The following ANKRD45 variants were observed in gnomAD, a reference collection of about 807,000 sequenced individuals.
ANKRD45 encodes the protein ankyrin repeat domain-containing protein 45.
In ANKRD45, 21 loss-of-function variants were observed where a neutral mutation model predicts 28.1. That is an observed-to-expected ratio of 0.75 (90% CI 0.53 to 1.08). The LOEUF is 1.08. ANKRD45 is among the 50% of genes least tolerant of loss of function. ANKRD45 has a pLI of 0.00. For missense variants in ANKRD45, 261 were observed against 308.7 expected (o/e 0.85, Z 1.16); for synonymous variants, 86 against 103.9 (o/e 0.83, Z 1.05).
chr1:173,713,385 G>A, the ANKRD45 span, among the ~76,000 whole-genome samples: 1 of 152,158 alleles, frequency 6.6e-6, no homozygotes, highest in South Asian at 2.1e-4. Context: ...AACTTTGGGA[G>A]ACATTTAGTT....
chr1:173,618,989 T>G (rs1667588304), intron 5 of ANKRD45, among the ~76,000 whole-genome samples: 1 of 152,182 alleles, frequency 6.6e-6, no homozygotes, highest in Admixed American at 6.5e-5. Flanking sequence ...TATTCCACAT[T>G]CTTAAAGAAA....
In ANKRD45 at chr1:173,627,173, C is replaced by A. The variant is rs754379067; in HGVS notation, c.497-14G>T. 1.3e-5 allele frequency: 20 copies of A among 1,531,484 alleles called. No homozygotes were observed. The highest frequency in any genetic ancestry group is 1.8e-5 in the Non-Finnish European group (20 of 1,108,514). 94.9% of individuals were successfully genotyped at this position (1,531,484 alleles called of 1,614,324 possible). A position where few individuals can be genotyped will look rare whatever the true frequency, so the allele number is the denominator to read the frequency against. The stretch of plus-strand genomic sequence containing the variant: ...TCAGCCTTGCATCTGAAAGAATGGA[C>A]AGAAACACACACATGACAAGACAAA... On this transcript the variant is annotated splice_polypyrimidine_tract_variant and intron_variant, in intron 3 of 5. Coordinates refer to ENST00000333279, the MANE Select transcript of ANKRD45 (RefSeq NM_198493.3).
At chr1:173,685,339 G>A in the ANKRD45 span, among the ~76,000 whole-genome samples, 3 of 152,164 alleles carry the variant, frequency 2.0e-5, no homozygotes, top group African/African-American at 7.2e-5. Context: ...GGATGCCCTC[G>A]GGGGCTGACC....
chr1:173,682,684 T>TACGCAC, the ANKRD45 span, among the ~76,000 whole-genome samples: 3,081 of 144,018 alleles, frequency 0.021, 40 homozygotes, highest in Middle Eastern at 0.053. Flanking sequence ...GCCTTTTAAA[T>TACGCAC]ACACACACAC....
chr1:173,611,613 ACACACACAAT>A (rs909115384), intron 5 of ANKRD45, among the ~76,000 whole-genome samples: 5 of 95,582 alleles, frequency 5.2e-5, no homozygotes, highest in Non-Finnish European at 1.1e-4. Flanking sequence ...ACACACACAC[ACACACACAAT>A]AAAAATATAT....
chr1:173,631,291 T>C (rs1472292633), intron 3 of ANKRD45, among the ~76,000 whole-genome samples: 1 of 152,114 alleles, frequency 6.6e-6, no homozygotes, highest in South Asian at 2.1e-4. Context: ...GGAATATACA[T>C]GCACCCAACG....
chr1:173,665,806 C>T (rs369475386), intron 1 of ANKRD45, among the ~76,000 whole-genome samples: 4 of 151,738 alleles, frequency 2.6e-5, no homozygotes, highest in Middle Eastern at 3.2e-3. Context: ...TTCAGGAGTT[C>T]GAGACCAGCT....
At chr1:173,698,381 C>T in the ANKRD45 span, among the ~76,000 whole-genome samples, 1 of 152,096 alleles carries the variant, frequency 6.6e-6, no homozygotes, top group African/African-American at 2.4e-5. Context: ...CTTCTCAGCA[C>T]CACATTGTAC....
upstream of ANKRD45, among the ~76,000 whole-genome samples, chr1:173,670,373 C>T (rs1670213092): frequency 6.6e-6 from 1 of 152,098 alleles, no homozygotes; most frequent in African/African-American, 2.4e-5. Context: ...ACAAGGGGTT[C>T]GAAAGAAACC....
intron 2 of ANKRD45, among the ~76,000 whole-genome samples, chr1:173,654,691 T>C (rs1231674639): frequency 6.6e-6 from 1 of 152,212 alleles, no homozygotes; most frequent in East Asian, 1.9e-4. Context: ...CTGAAGAGTG[T>C]TTTCCAACTT....
chr1:173,620,630 T>G (rs532775983), intron 5 of ANKRD45, among the ~76,000 whole-genome samples: 1 of 152,058 alleles, frequency 6.6e-6, no homozygotes, highest in South Asian at 2.1e-4. Flanking sequence ...CATTGGGAGA[T>G]ATACCTAATG....
chr1:173,709,634 C>CT, the ANKRD45 span, among the ~76,000 whole-genome samples: 298 of 146,382 alleles, frequency 2.0e-3, 1 homozygote, highest in Non-Finnish European at 1.4e-3. Flanking sequence ...TAGATGTTTT[C>CT]TTTTTTTTTT....
chr1:173,620,133 C>CA, intron 5 of ANKRD45, among the ~76,000 whole-genome samples: 1 of 152,166 alleles, frequency 6.6e-6, no homozygotes, highest in Non-Finnish European at 1.5e-5. Context: ...ACTCTTCACC[C>CA]AAAAACAACA....
At chr1:173,704,993 C>T in the ANKRD45 span, among the ~76,000 whole-genome samples, 1 of 152,222 alleles carries the variant, frequency 6.6e-6, no homozygotes, top group Non-Finnish European at 1.5e-5. Context: ...GGCAACAGAG[C>T]TGTGCCTTTA....
In ANKRD45 at chr1:173,659,330, G is replaced by A. The variant is rs754102936; in HGVS notation, c.89C>T (p.Pro30Leu). 6.2e-7 allele frequency: 1 copy of A among 1,613,058 alleles called. No individual in the cohort carries two copies. The highest frequency in any genetic ancestry group is 8.5e-7 in the Non-Finnish European group (1 of 1,179,556). Residue 30 changes from proline to leucine, a missense_variant, in exon 2 of 6, where the codon CCA (proline) becomes CTA (leucine). Transcript: ENST00000333279. The part of the protein sequence containing the change: ...EENEEEEAQE[P>L]EETGPKNPLL... Reference sequence around the variant, plus strand: ...GGGGTTCTTAGGGCCTGTTTCCTCTGGTTCTTGGGCTTCTTCTTCTTCATT... The same window carrying A: ...GGGGTTCTTAGGGCCTGTTTCCTCTAGTTCTTGGGCTTCTTCTTCTTCATT...
intron 2 of ANKRD45, chr1:173,657,583 TCC>T (rs1669589758): frequency 6.6e-6 from 1 of 151,076 alleles, no homozygotes. Context: ...ATCAATCCTT[TCC>T]TTTCCATCTA....
intron 3 of ANKRD45, chr1:173,635,248 A>C (rs758430979): frequency 5.2e-4 from 155 of 299,732 alleles, no homozygotes; most frequent in Non-Finnish European, 7.3e-4. Context: ...TTTTAGTTCC[A>C]ATGTGGTTAT....
chr1:173,614,975 T>A (rs1174106862), intron 5 of ANKRD45, among the ~76,000 whole-genome samples: 1 of 151,960 alleles, frequency 6.6e-6, no homozygotes, highest in Non-Finnish European at 1.5e-5. Context: ...CGCCACCGCA[T>A]CTGGCTAATT....
chr1:173,686,884 T>A, the ANKRD45 span, among the ~76,000 whole-genome samples: 1 of 152,224 alleles, frequency 6.6e-6, no homozygotes, highest in African/African-American at 2.4e-5. Flanking sequence ...CTTGTAGACA[T>A]ATTTATCCAA....
Sources: gnomAD v4.1 joint callset for allele counts (sites outside exome capture counted in the v4.1 genomes callset) on GRCh38, gnomAD v4.1.1 for gene constraint, MANE v1.5 for transcripts, NCBI Gene and HGNC (gene_info 2026-07-23, HGNC 2026-07-21) for gene names.